The following TEX9 variants were observed in gnomAD, a reference collection of about 807,000 sequenced individuals.
TEX9 encodes testis expressed 9.
TEX9 carries 74 observed loss-of-function variants against 59.6 expected under a neutral mutation model. The observed-to-expected ratio is 1.24, with a 90% confidence interval of 1.03 to 1.51. The LOEUF is 1.51. Ranked by LOEUF, TEX9 falls within the 40% of genes most tolerant of loss-of-function variation. The pLI, the probability that TEX9 is intolerant of heterozygous loss-of-function variation, is 0.00. For synonymous variants in TEX9, 186 were observed against 152.2 expected, an observed-to-expected ratio of 1.22 and a Z score of -1.64; for missense variants, 522 against 447.8, an observed-to-expected ratio of 1.17 and a Z score of -1.49.
chr15:56,337,660 A>C (rs1412757981), intron 1 of TEX9, among the ~76,000 whole-genome samples: 1 of 152,224 alleles, frequency 6.6e-6, no homozygotes, highest in Non-Finnish European at 1.5e-5. Flanking sequence ...TCACACAAAG[A>C]CTTCATGGCT....
At chr15:56,279,887 A>G (rs554237311) in intron 1 of TEX9, among the ~76,000 whole-genome samples, 4 of 152,208 alleles carry the variant, frequency 2.6e-5, no homozygotes, top group Non-Finnish European at 5.9e-5. Flanking sequence ...CAATGCTTTG[A>G]CTTACAAGTT....
rs947153138 is a variant in TEX9 at position 56,358,891 on chromosome 15, C to A, written c.-106-14550C>A. Among the ~76,000 whole-genome samples the A allele has an allele frequency of 1.6e-4, 24 of 152,200 alleles. 1 individual carries two copies. Among genetic ancestry groups the A allele is most frequent in the South Asian group, 1.0e-3 (5 of 4,816 alleles). ...ATTTCCTCTTTCACGTACTTGCTCT[C>A]TCTCCTGCCGCCACGTAAGACATGC... is the stretch of plus-strand genomic sequence containing the variant. On this transcript the variant is annotated intron_variant, in intron 1 of 5. Coordinates refer to the TEX9 transcript ENST00000560827.
At chr15:56,270,017 G>T (rs1200621041) in intron 1 of TEX9, among the ~76,000 whole-genome samples, 1 of 152,146 alleles carries the variant, frequency 6.6e-6, no homozygotes, top group South Asian at 2.1e-4. Context: ...GAGACAGTTT[G>T]TTGTGATTTC....
intron 1 of TEX9, among the ~76,000 whole-genome samples, chr15:56,261,789 A>T (rs1461674772): frequency 6.6e-6 from 1 of 152,144 alleles, no homozygotes; most frequent in African/African-American, 2.4e-5. Flanking sequence ...GAGGATCCCA[A>T]AGGATATAGG....
At chr15:56,346,677 C>T (rs2046476797) in intron 1 of TEX9, among the ~76,000 whole-genome samples, 1 of 152,096 alleles carries the variant, frequency 6.6e-6, no homozygotes, top group Admixed American at 6.6e-5. Flanking sequence ...ATAGGAAAAA[C>T]CAACCCCACC....
chr15:56,445,151 C>G (rs576991095), intron 12 of TEX9, among the ~76,000 whole-genome samples: 1 of 152,096 alleles, frequency 6.6e-6, no homozygotes, highest in South Asian at 2.1e-4. Flanking sequence ...CTAGCCTAAA[C>G]TTTCTTTCCT....
At position 56,385,054 on chromosome 15, in the gene TEX9, CATTCTTTTGCACATGG is replaced by C. The variant is rs2047899954; in HGVS notation, c.263+1026_263+1041del. ...TGTATGTGGTATAAGAGTCAACCTCCATTCTTTTGCACATGGATAGCCATTTGTCTCAGCATTATTT... is the reference window on the plus strand; with the variant it reads ...TGTATGTGGTATAAGAGTCAACCTCCATAGCCATTTGTCTCAGCATTATTT... On this transcript the variant is annotated intron_variant, in intron 4 of 12. Transcript: ENST00000352903. 3.3e-5 allele frequency among the ~76,000 whole-genome samples: 5 copies of C among 152,284 alleles called. No individual in the cohort carries two copies. In the South Asian group the frequency reaches 1.0e-3, roughly 32 times the overall value.
At chr15:56,300,718 A>AGG (rs1193743404) in intron 1 of TEX9, among the ~76,000 whole-genome samples, 9 of 148,450 alleles carry the variant, frequency 6.1e-5, no homozygotes, top group Non-Finnish European at 1.0e-4. Flanking sequence ...GGAGAGAGAG[A>AGG]GAGAGAGAGA....
chr15:56,402,141 C>T (rs1456699940), intron 9 of TEX9, among the ~76,000 whole-genome samples: 4 of 152,128 alleles, frequency 2.6e-5, no homozygotes, highest in Admixed American at 2.6e-4. Flanking sequence ...CAGAGCAGAA[C>T]TGAAGGAGAT....
At chr15:56,374,374 A>G (rs943201479) in intron 3 of TEX9, 1 of 152,116 alleles carries the variant, frequency 6.6e-6, no homozygotes, top group Admixed American at 6.6e-5. Context: ...TCTCATATTT[A>G]ATTTTTATTT....
chr15:56,418,639 A>G (rs1321188546), intron 10 of TEX9, among the ~76,000 whole-genome samples: 1 of 151,658 alleles, frequency 6.6e-6, no homozygotes, highest in Non-Finnish European at 1.5e-5. Flanking sequence ...TGACAGAGCG[A>G]GACTCTGTCT....
the TEX9 span, among the ~76,000 whole-genome samples, chr15:56,460,009 A>ATATATATATATAT: frequency 2.7e-4 from 7 of 26,380 alleles, 1 homozygote; most frequent in African/African-American, 6.0e-4. Flanking sequence ...AAAAAAAAAA[A>ATATATATATATAT]ATACATATAT....
In TEX9 at chr15:56,259,111, G is replaced by A. The variant is rs187154906; in HGVS notation, c.-107+14833G>A. Among the ~76,000 whole-genome samples, 7 of 151,950 alleles carry A rather than the reference G, an allele frequency of 4.6e-5. No homozygotes were observed. In the East Asian group the frequency reaches 1.4e-3, roughly 29 times the overall value. On this transcript the variant is annotated intron_variant, in intron 1 of 5. Coordinates refer to the TEX9 transcript ENST00000560827. Reference sequence around the variant, plus strand: ...GGGGAATCTTATTTAAGAAATCACTGCCTACCCAATGTCATGAAATATTCC... The same window carrying A: ...GGGGAATCTTATTTAAGAAATCACTACCTACCCAATGTCATGAAATATTCC...
rs145340999 is a variant in TEX9 at position 56,414,613 on chromosome 15, C to T, written c.963+2177C>T. Among the ~76,000 whole-genome samples, 169 of 151,822 alleles carry T rather than the reference C, an allele frequency of 1.1e-3. 4 individuals carry two copies. Among genetic ancestry groups the T allele is most frequent in the African/African-American group, 3.8e-3 (155 of 41,216 alleles). ...GCTACATAGTATTCCATGGTGTATA[C>T]GTACCAAATTTTCTTTATCCATTCT... On this transcript the variant is annotated intron_variant, in intron 10 of 12. Coordinates refer to ENST00000352903, the Ensembl canonical transcript of TEX9.
intron 1 of TEX9, among the ~76,000 whole-genome samples, chr15:56,310,571 C>T (rs1364646617): frequency 4.6e-5 from 7 of 152,292 alleles, no homozygotes; most frequent in Admixed American, 2.0e-4. Flanking sequence ...TTGTCAACAG[C>T]GCATCCTACT....
At chr15:56,384,288 T>C (rs2047867125) in intron 4 of TEX9, among the ~76,000 whole-genome samples, 1 of 152,168 alleles carries the variant, frequency 6.6e-6, no homozygotes, top group South Asian at 2.1e-4. Flanking sequence ...TCGATGTGAA[T>C]AAAACTATGA....
intron 1 of TEX9, among the ~76,000 whole-genome samples, chr15:56,279,360 A>G (rs1215713553): frequency 6.6e-6 from 1 of 152,232 alleles, no homozygotes; most frequent in African/African-American, 2.4e-5. Flanking sequence ...ATTAAGACTT[A>G]TCTCTTGTCT....
intron 8 of TEX9, 71 bp from the exon 9 acceptor site, chr15:56,394,587 GTCT>G (rs1187515912): frequency 2.7e-5 from 30 of 1,096,910 alleles, no homozygotes; most frequent in Non-Finnish European, 3.9e-5. Flanking sequence ...CATATGAAAC[GTCT>G]TTTTTTCTGC....
intron 1 of TEX9, among the ~76,000 whole-genome samples, chr15:56,251,475 C>G (rs1447438538): frequency 6.6e-6 from 1 of 152,116 alleles, no homozygotes. Context: ...TCAATAAAAC[C>G]TTTGCCCAAG....
Sources: gnomAD v4.1 joint callset for allele counts (sites outside exome capture counted in the v4.1 genomes callset) on GRCh38, gnomAD v4.1.1 for gene constraint, MANE v1.5 for transcripts, NCBI Gene and HGNC (gene_info 2026-07-23, HGNC 2026-07-21) for gene names.